Variants in SIGLEC14 observed in about 807,000 individuals in gnomAD.
SIGLEC14 encodes the protein sialic acid binding Ig like lectin 14, also known as sialic acid-binding Ig-like lectin 14.
Under a neutral mutation model 34.2 loss-of-function variants are expected in SIGLEC14, and 11 were observed. The observed-to-expected ratio is 0.32, with a 90% CI of 0.20 to 0.53. The LOEUF is 0.53. Among genes scored for constraint, SIGLEC14 ranks in the 20% least tolerant of loss-of-function variants. SIGLEC14 has a pLI of 0.95. For missense variants in SIGLEC14, 264 were observed against 439.0 expected (o/e 0.60, Z 3.56); for synonymous variants, 99 against 179.7 (o/e 0.55, Z 3.59).
rs200737981 is a variant in SIGLEC14, at chr19:51,645,898, G to A, written c.584C>T (p.Ser195Phe). 9.2e-6 allele frequency: 14 copies of A among 1,515,014 alleles called. 3 individuals carry two copies. In the Admixed American group the frequency reaches 1.1e-4, roughly 12 times the overall value. 93.8% of individuals were successfully genotyped at this position (1,515,014 alleles called of 1,614,324 possible). A position where few individuals can be genotyped will look rare whatever the true frequency, so the allele number is the denominator to read the frequency against. ...CCTGGGGGTGAGGGTGAGCTCCGAGGAGCGGGTGGTCTCGGGGTCCAGGGG... is the reference window on the plus strand; with the variant it reads ...CCTGGGGGTGAGGGTGAGCTCCGAGAAGCGGGTGGTCTCGGGGTCCAGGGG... ...LSPLDPETTR[S>F]SELTLTPRPE... Residue 195 changes from serine to phenylalanine, a missense_variant, in exon 3 of 7, where the codon TCC becomes TTC. By Grantham distance (155) the Ser-to-Phe change is radical. Coordinates refer to ENST00000360844, the MANE Select transcript of SIGLEC14 (RefSeq NM_001098612.3).
At position 51,640,625 on chromosome 19, in the gene SIGLEC14, G is replaced by C. The variant is rs577795212; in HGVS notation, c.*2730C>G. ...AATGGCTATGTTAATAGCAGACAAA[G>C]TACACTTAAGAGCAAAGAAAATCAC... On this transcript the variant is annotated 3_prime_UTR_variant, in exon 7 of 7. Coordinates refer to ENST00000360844, the MANE Select transcript of SIGLEC14 (RefSeq NM_001098612.3). Among the ~76,000 whole-genome samples the C allele has an allele frequency of 7.2e-6, 1 of 139,796 alleles. No homozygotes were observed. Among genetic ancestry groups the C allele is most frequent in the South Asian group, 2.4e-4 (1 of 4,200 alleles). 91.7% of individuals were successfully genotyped at this position (139,796 alleles called of 152,430 possible).
Position 51,645,896 on chromosome 19 carries a change from A to C in SIGLEC14, c.586T>G (p.Ser196Ala). ...SPLDPETTRS[S>A]ELTLTPRPED... ...GGCCTGGGGGTGAGGGTGAGCTCCG[A>C]GGAGCGGGTGGTCTCGGGGTCCAGG... The change falls in exon 3 of 7, where the codon TCG becomes GCG. Residue 196 changes from serine (S) to alanine (A), a missense_variant. Transcript: ENST00000360844. 2.0e-6 allele frequency: 3 copies of C among 1,515,396 alleles called. No individual in the cohort carries two copies. Among genetic ancestry groups the C allele is most frequent in the Non-Finnish European group, 2.6e-6 (3 of 1,134,232 alleles). 93.9% of individuals were successfully genotyped at this position (1,515,396 alleles called of 1,614,324 possible). A position where few individuals can be genotyped will look rare whatever the true frequency, so the allele number is the denominator to read the frequency against.
rs377429139 is a variant in SIGLEC14 at position 51,646,378 on chromosome 19, G to A, written c.300C>T (p.Asn100=). ...FRLLGDVQKK[N]CSLSIGDARM... ...TGGCATCTCCGATGCTCAGGGAGCA[G>A]TTCTTCTTCTGGACATCCCCAAGGA... is the stretch of plus-strand genomic sequence containing the variant. Residue 100 remains asparagine, a synonymous_variant, in exon 2 of 7, where the codon AAC becomes AAT. Transcript: ENST00000360844. The A allele has an allele frequency of 2.1e-4, 243 of 1,170,520 alleles. 33 individuals carry two copies. The Middle Eastern group carries it at 2.2e-3, about 10-fold the overall frequency. 72.5% of individuals were successfully genotyped at this position (1,170,520 alleles called of 1,614,324 possible).
In SIGLEC14 at chr19:51,645,427, C is replaced by T; in HGVS notation, c.754+50G>A. 2.1e-6 allele frequency: 3 copies of T among 1,456,916 alleles called. 1 individual carries two copies. Among genetic ancestry groups the T allele is most frequent in the East Asian group, 7.1e-5 (2 of 28,096 alleles). 90.2% of individuals were successfully genotyped at this position (1,456,916 alleles called of 1,614,324 possible). On this transcript the variant is annotated intron_variant, in intron 4 of 6. Coordinates refer to ENST00000360844, the MANE Select transcript of SIGLEC14 (RefSeq NM_001098612.3). ...TCCTCTCCCAATGCTGAACCCTGAG[C>T]TAATAGAAGGCTCCCATCACAGCCC...
intron 3 of SIGLEC14, 54 bp downstream of exon 3, chr19:51,645,710 ACACACACACACACACACC>A: frequency 7.6e-7 from 1 of 1,311,904 alleles, no homozygotes; most frequent in Non-Finnish European, 1.0e-6. Context: ...ACACACACAC[ACACACACACACACACACC>A]CCCCTCACTC....
At position 51,645,624 on chromosome 19, in the gene SIGLEC14, C is replaced by A; in HGVS notation, c.701-94G>T. 2.1e-6 allele frequency: 3 copies of A among 1,451,688 alleles called. 1 individual carries two copies. Among genetic ancestry groups the A allele is most frequent in the Non-Finnish European group, 2.8e-6 (3 of 1,073,914 alleles). 89.9% of individuals were successfully genotyped at this position (1,451,688 alleles called of 1,614,324 possible). On this transcript the variant is annotated intron_variant, in intron 3 of 6. Coordinates refer to ENST00000360844, the MANE Select transcript of SIGLEC14 (RefSeq NM_001098612.3). ...CCAAGGAGGGGCCACAGAAACCCAC[C>A]AGGTGGGGACCGCTGTCCTTCCTGC...
At position 51,645,847 on chromosome 19, in the gene SIGLEC14, G is replaced by T; in HGVS notation, c.635C>A (p.Thr212Asn). 6.5e-7 allele frequency: 1 copy of T among 1,529,342 alleles called. No individual in the cohort carries two copies. The highest frequency in any genetic ancestry group is 8.8e-7 in the Non-Finnish European group (1 of 1,140,388). 94.7% of individuals were successfully genotyped at this position (1,529,342 alleles called of 1,614,324 possible). A position where few individuals can be genotyped will look rare whatever the true frequency, so the allele number is the denominator to read the frequency against. The change falls in exon 3 of 7, where the codon ACC becomes AAC. Residue 212 changes from threonine (T) to asparagine (N), a missense_variant. By Grantham distance (65) the Thr-to-Asn change is moderately conservative. This residue lies in a region of SIGLEC14 where 45 missense variants were observed against 96.7 expected (regional missense o/e 0.47). Transcript: ENST00000360844. ...PRPEDHGTNLTCQVKRQGAQV... is the reference protein window; with the variant it reads ...PRPEDHGTNLNCQVKRQGAQV... ...AGCTCCTTGGCGTTTCACCTGACAG[G>T]TGAGGTTGGTGCCATGGTCCTCGGG...
intron 3 of SIGLEC14, 114 bp from the exon 4 acceptor site, chr19:51,645,644 T>G: frequency 6.9e-7 from 1 of 1,450,262 alleles, no homozygotes; most frequent in Non-Finnish European, 9.3e-7. Context: ...CCGCTGTCCT[T>G]CCTGCCCACA....
In SIGLEC14 at chr19:51,640,701, G is replaced by T. The variant is rs1983887103; in HGVS notation, c.*2654C>A. ...TGTAAAACAGTTGATTCAGCCAACT[G>T]CGGTGGCTCACGCCTATAATCCCAG... On this transcript the variant is annotated 3_prime_UTR_variant, in exon 7 of 7. Transcript: ENST00000360844. Among the ~76,000 whole-genome samples the T allele has an allele frequency of 7.2e-6, 1 of 139,796 alleles. No individual in the cohort carries two copies. The highest frequency in any genetic ancestry group is 1.5e-5 in the Non-Finnish European group (1 of 65,108). 91.7% of individuals were successfully genotyped at this position (139,796 alleles called of 152,430 possible). A position where few individuals can be genotyped will look rare whatever the true frequency, so the allele number is the denominator to read the frequency against.
rs188442557 is a variant in SIGLEC14, at chr19:51,641,230, C to T, written c.*2125G>A. Among the ~76,000 whole-genome samples the T allele has an allele frequency of 7.9e-5, 11 of 138,792 alleles. 1 individual carries two copies. The highest frequency in any genetic ancestry group is 1.9e-4 in the African/African-American group (7 of 36,626). 91.1% of individuals were successfully genotyped at this position (138,792 alleles called of 152,430 possible). On this transcript the variant is annotated 3_prime_UTR_variant, in exon 7 of 7. Coordinates refer to ENST00000360844, the MANE Select transcript of SIGLEC14 (RefSeq NM_001098612.3). ...CTATGTCTAATTGCCATTTAATATT[C>T]GTCCCATAACAGGGCAATACACATT... is the stretch of plus-strand genomic sequence containing the variant.
At chr19:51,644,184 A>G (rs1384201618) in intron 4 of SIGLEC14, 148 bp from the exon 5 acceptor site, 4 of 992,642 alleles carry the variant, frequency 4.0e-6, no homozygotes, top group Non-Finnish European at 5.5e-6. Context: ...GGACTTGGTG[A>G]TCAGGTCAGG....
rs1176985079 is a variant in SIGLEC14, at chr19:51,642,113, A to G, written c.*1242T>C. Among the ~76,000 whole-genome samples, 2 of 139,558 alleles carry G rather than the reference A, an allele frequency of 1.4e-5. 1 individual carries two copies. Among genetic ancestry groups the G allele is most frequent in the Non-Finnish European group, 3.1e-5 (2 of 65,158 alleles). 91.6% of individuals were successfully genotyped at this position (139,558 alleles called of 152,430 possible). A position where few individuals can be genotyped will look rare whatever the true frequency, so the allele number is the denominator to read the frequency against. On this transcript the variant is annotated 3_prime_UTR_variant, in exon 7 of 7. Coordinates refer to ENST00000360844, the MANE Select transcript of SIGLEC14 (RefSeq NM_001098612.3). ...AAGGAAATCTCAGGGGAAAGAAGGA[A>G]ATATTTTGAACTAATATAAAAATAC... is the stretch of plus-strand genomic sequence containing the variant.
chr19:51,643,475 GCAGGACA>G, intron 6 of SIGLEC14, 55 bp downstream of exon 6: 7 of 1,329,972 alleles, frequency 5.3e-6, no homozygotes, highest in Non-Finnish European at 6.9e-6. Flanking sequence ...CTGTCCTGGG[GCAGGACA>G]GCTCAGCCCC....
At chr19:51,643,462 GAGCT>G in intron 6 of SIGLEC14, 65 bp from the exon 7 acceptor site, 1 of 1,340,498 alleles carries the variant, frequency 7.5e-7, no homozygotes, top group Non-Finnish European at 9.7e-7. Flanking sequence ...AGGTGGGGCT[GAGCT>G]GTCCTGGGGC....
chr19:51,643,441 G>T, intron 6 of SIGLEC14, 44 bp from the exon 7 acceptor site: 2 of 1,382,002 alleles, frequency 1.4e-6, no homozygotes, highest in Non-Finnish European at 1.9e-6. Flanking sequence ...AGCCACTTCA[G>T]TTCTAATTCC....
chr19:51,643,190 A>G lies in SIGLEC14; in HGVS notation c.*165T>C, dbSNP rs1983946359. 1 of 659,070 alleles carries G rather than the reference A, an allele frequency of 1.5e-6. No homozygotes were observed. The highest frequency in any genetic ancestry group is 2.0e-5 in the Admixed American group (1 of 49,740). The allele number at this position is 659,070 out of a possible 1,614,324, so 40.8% of individuals were successfully genotyped here. On this transcript the variant is annotated 3_prime_UTR_variant, in exon 7 of 7. Coordinates refer to ENST00000360844, the MANE Select transcript of SIGLEC14 (RefSeq NM_001098612.3). ...ATGGGGATGCAGGTGTGGTGGGGCA[A>G]GACTCACAAGCAGAGGGGAATAAGT... is the stretch of plus-strand genomic sequence containing the variant.
rs1983891071 is a variant in SIGLEC14, at chr19:51,640,887, A to C, written c.*2468T>G. Among the ~76,000 whole-genome samples the C allele has an allele frequency of 7.2e-6, 1 of 138,644 alleles. No individual in the cohort carries two copies. Among genetic ancestry groups the C allele is most frequent in the Non-Finnish European group, 1.5e-5 (1 of 64,874 alleles). 91.0% of individuals were successfully genotyped at this position (138,644 alleles called of 152,430 possible). ...CTATTTGGGAGGCTGAGGCAGGAGA[A>C]TCACTTGTACCTGGGAGGCGGAGGT... On this transcript the variant is annotated 3_prime_UTR_variant, in exon 7 of 7. Coordinates refer to ENST00000360844, the MANE Select transcript of SIGLEC14 (RefSeq NM_001098612.3).
intron 4 of SIGLEC14, among the ~76,000 whole-genome samples, chr19:51,644,957 G>A (rs1723672269): frequency 7.3e-6 from 1 of 137,456 alleles, no homozygotes; most frequent in Admixed American, 7.0e-5. Flanking sequence ...CGATCAGTTA[G>A]AGATGAAGCA....
Position 51,645,550 on chromosome 19 carries a change from C to T in SIGLEC14, c.701-20G>A, listed in dbSNP as rs1568599334. 2.0e-6 allele frequency: 3 copies of T among 1,529,592 alleles called. 1 individual carries two copies. Among genetic ancestry groups the T allele is most frequent in the Admixed American group, 1.7e-5 (1 of 58,028 alleles). 94.8% of individuals were successfully genotyped at this position (1,529,592 alleles called of 1,614,324 possible). ...GAGCATCTGGGATAGAAAGATACAGCACCAGCTTCAGAGGTGACAAGAGGG... is the reference window on the plus strand; with the variant it reads ...GAGCATCTGGGATAGAAAGATACAGTACCAGCTTCAGAGGTGACAAGAGGG... On this transcript the variant is annotated intron_variant, in intron 3 of 6. Coordinates refer to ENST00000360844, the MANE Select transcript of SIGLEC14 (RefSeq NM_001098612.3).
Sources: allele counts gnomAD v4.1 joint callset (sites outside exome capture counted in the v4.1 genomes callset), GRCh38; gene constraint gnomAD v4.1.1; regional missense constraint gnomAD v4.1.1; transcripts MANE v1.5; gene names NCBI Gene and HGNC (gene_info 2026-07-23, HGNC 2026-07-21).